Variants in ABCG2 observed in about 807,000 individuals in gnomAD.
ABCG2 encodes the protein broad substrate specificity ATP-binding cassette transporter ABCG2.
A neutral mutation model predicts 73.5 loss-of-function variants in ABCG2; 80 were observed. The ratio of observed to expected loss-of-function variants is 1.09; its 90% confidence interval spans 0.91 to 1.31. The LOEUF (loss-of-function observed/expected upper bound fraction) is 1.31, where lower values mean the gene tolerates loss of function less well. ABCG2 is among the 50% of genes most tolerant of loss of function. The pLI is 0.00. For synonymous variants in ABCG2, 269 were observed against 282.4 expected, an observed-to-expected ratio of 0.95 and a Z score of 0.48; for missense variants, 796 against 786.2, an observed-to-expected ratio of 1.01 and a Z score of -0.15.
intron 1 of ABCG2, among the ~76,000 whole-genome samples, chr4:88,152,554 A>G (rs886126328): frequency 1.5e-4 from 23 of 152,118 alleles, no homozygotes; most frequent in Admixed American, 2.6e-4. Flanking sequence ...TTTGAGCCAG[A>G]ATGAGCCAGG....
intron 2 of ABCG2, 113 bp downstream of exon 2, chr4:88,139,680 T>C (rs747330553): frequency 7.2e-6 from 6 of 836,410 alleles, no homozygotes; most frequent in Non-Finnish European, 1.1e-5. Context: ...TGTATATCTG[T>C]GCAAAGACTT....
Position 88,101,214 on chromosome 4 carries a change from A to T in ABCG2, c.1367+16T>A. 6.2e-7 allele frequency: 1 copy of T among 1,613,006 alleles called. No individual in the cohort carries two copies. The highest frequency in any genetic ancestry group is 8.5e-7 in the Non-Finnish European group (1 of 1,179,110). ...GCTGCTGGACAGCCCCGTTCCCAGA[A>T]CAAAGACCTACTCACATGAAGAGCT... On this transcript the variant is annotated intron_variant, in intron 11 of 15. Transcript: ENST00000237612.
chr4:88,108,211 C>T (rs373300274), intron 9 of ABCG2, among the ~76,000 whole-genome samples: 35 of 152,080 alleles, frequency 2.3e-4, no homozygotes, highest in East Asian at 1.3e-3. Flanking sequence ...TATATTTACT[C>T]GTGAGTTAAA....
intron 1 of ABCG2, among the ~76,000 whole-genome samples, chr4:88,230,309 T>A (rs55842108): frequency 0.46 from 6,081 of 13,354 alleles, 737 homozygotes; most frequent in East Asian, 0.5. Flanking sequence ...ATATATATAT[T>A]TTTTTTTTTG....
chr4:88,184,510 T>C (rs1391185025), intron 1 of ABCG2, among the ~76,000 whole-genome samples: 1 of 152,104 alleles, frequency 6.6e-6, no homozygotes, highest in African/African-American at 2.4e-5. Context: ...GTAAAATATC[T>C]TTACAATGAA....
chr4:88,184,166 C>T (rs1205474364), intron 1 of ABCG2, among the ~76,000 whole-genome samples: 1 of 152,128 alleles, frequency 6.6e-6, no homozygotes, highest in Non-Finnish European at 1.5e-5. Context: ...AGGATGCCCA[C>T]TTTCACCACT....
intron 1 of ABCG2, among the ~76,000 whole-genome samples, chr4:88,155,675 C>A (rs766491456): frequency 6.6e-6 from 1 of 152,172 alleles, no homozygotes; most frequent in Non-Finnish European, 1.5e-5. Context: ...GAGGCCGAGG[C>A]GGGTGGATCA....
chr4:88,113,585 A>G (rs754667523), intron 8 of ABCG2, 32 bp from the exon 9 acceptor site: 46 of 1,599,160 alleles, frequency 2.9e-5, no homozygotes, highest in Middle Eastern at 1.7e-4. Context: ...AGGAAACACA[A>G]ACAAGATAAC....
At chr4:88,227,350 C>T (rs1430445599) in intron 1 of ABCG2, among the ~76,000 whole-genome samples, 4 of 152,112 alleles carry the variant, frequency 2.6e-5, no homozygotes, top group African/African-American at 7.2e-5. Context: ...GAGCCGAGAT[C>T]GCGCCATTGT....
intron 7 of ABCG2, among the ~76,000 whole-genome samples, chr4:88,115,283 T>TATATAA (rs1169006565): frequency 8.9e-6 from 1 of 112,576 alleles, no homozygotes; most frequent in Admixed American, 1.0e-4. Context: ...TATATATATA[T>TATATAA]AATTTATTTA....
In ABCG2 at chr4:88,146,852, C is replaced by T. The variant is rs569895243; in HGVS notation, c.-19-6838G>A. Among the ~76,000 whole-genome samples the T allele has an allele frequency of 2.3e-3, 316 of 139,246 alleles. 1 individual carries two copies. The highest frequency in any genetic ancestry group is 8.2e-3 in the African/African-American group (301 of 36,796). The allele number at this position is 139,246 out of a possible 152,430, so 91.4% of individuals were successfully genotyped here. On this transcript the variant is annotated intron_variant, in intron 1 of 15. Coordinates refer to ENST00000237612, the MANE Select transcript of ABCG2 (RefSeq NM_004827.3). ...TGCCACTGGAATCCAGCCTAAGCAA[C>T]AGCGTAACCCTGTCAAAAAGAAAGA...
chr4:88,154,075 T>C (rs1223190124), intron 1 of ABCG2, among the ~76,000 whole-genome samples: 1 of 152,118 alleles, frequency 6.6e-6, no homozygotes, highest in African/African-American at 2.4e-5. Context: ...ATTTGCTTTG[T>C]GTGGGAAGAG....
At chr4:88,219,576 A>ATTTTTT (rs5860122) in intron 1 of ABCG2, among the ~76,000 whole-genome samples, 107 of 90,890 alleles carry the variant, frequency 1.2e-3, no homozygotes, top group Non-Finnish European at 1.5e-3. Context: ...TACCATTCAA[A>ATTTTTT]TTTTTTTTTT....
At chr4:88,159,163 T>C (rs1438755482), upstream of ABCG2, 1 of 454,190 alleles carries the variant, frequency 2.2e-6, no homozygotes, top group African/African-American at 2.1e-5. Context: ...CCAGAGTGAT[T>C]AACTACGAGA....
intron 1 of ABCG2, among the ~76,000 whole-genome samples, chr4:88,177,449 A>G (rs1204878564): frequency 2.0e-5 from 3 of 152,206 alleles, no homozygotes; most frequent in Non-Finnish European, 4.4e-5. Flanking sequence ...AACATAATTG[A>G]AATATTATAA....
chr4:88,228,699 T>C (rs1730323255), intron 1 of ABCG2, among the ~76,000 whole-genome samples: 1 of 152,202 alleles, frequency 6.6e-6, no homozygotes, highest in South Asian at 2.1e-4. Context: ...AACTTTTCTG[T>C]CTAGCTAGAG....
chr4:88,231,366 T>C (rs1730458207), upstream of ABCG2: 1 of 152,112 alleles, frequency 6.6e-6, no homozygotes, highest in Non-Finnish European at 1.5e-5. Flanking sequence ...TCTCGATCAC[T>C]GGGATTCAAA....
chr4:88,219,535 A>T (rs1272780417), intron 1 of ABCG2, among the ~76,000 whole-genome samples: 3 of 149,036 alleles, frequency 2.0e-5, no homozygotes, highest in Non-Finnish European at 4.5e-5. Context: ...ATTTTCTTCT[A>T]CTGTGGTAAA....
At chr4:88,182,188 A>G (rs563425533) in intron 1 of ABCG2, among the ~76,000 whole-genome samples, 1 of 152,276 alleles carries the variant, frequency 6.6e-6, no homozygotes, top group Middle Eastern at 3.4e-3. Flanking sequence ...GGGTCAATTC[A>G]GCAAGAAAAT....
Sources: gnomAD v4.1 joint callset for allele counts (sites outside exome capture counted in the v4.1 genomes callset) on GRCh38, gnomAD v4.1.1 for gene constraint, MANE v1.5 for transcripts, NCBI Gene and HGNC (gene_info 2026-07-23, HGNC 2026-07-21) for gene names.